TANGO6: variants seen among roughly 807,000 people sequenced by gnomAD.
The protein encoded by TANGO6 is transport and Golgi organization protein 6 homolog.
TANGO6 carries 90 observed loss-of-function variants against 114.2 expected under a neutral mutation model. That is an observed-to-expected ratio of 0.79 (90% confidence interval 0.66 to 0.94). The LOEUF is 0.94. TANGO6 is among the 40% of genes least tolerant of loss of function. The pLI, the probability that TANGO6 is intolerant of heterozygous loss-of-function variation, is 0.00. For missense variants in TANGO6, 1,274 were observed against 1,315.3 expected (o/e 0.97, Z 0.49); for synonymous variants, 477 against 509.8 (o/e 0.94, Z 0.87).
At chr16:69,004,021 T>C (rs1597054486) in intron 15 of TANGO6, among the ~76,000 whole-genome samples, 2 of 152,242 alleles carry the variant, frequency 1.3e-5, no homozygotes, top group Non-Finnish European at 2.9e-5. Flanking sequence ...AAAAAAAATT[T>C]TTTTCAATAG....
intron 7 of TANGO6, among the ~76,000 whole-genome samples, chr16:68,889,070 C>T (rs1427869828): frequency 2.6e-5 from 4 of 152,208 alleles, no homozygotes; most frequent in East Asian, 1.9e-4. Context: ...GTGATCCACC[C>T]GCCTCAGCCT....
rs1962195281 is a variant in TANGO6, at chr16:68,867,393, A to G, written c.994+173A>G. ...GGCCGTTAATGAGCTTCTTTTCCAA[A>G]GAAACTAATTCTCTTGCTCTTTTCC... On this transcript the variant is annotated intron_variant, in intron 4 of 17. Transcript: ENST00000261778. 5.6e-6 allele frequency: 4 copies of G among 711,104 alleles called. No homozygotes were observed. The Admixed American group carries it at 1.2e-4, about 21-fold the overall frequency. 44.0% of individuals were successfully genotyped at this position (711,104 alleles called of 1,614,324 possible).
At chr16:68,929,795 TAAC>T (rs1963217102) in intron 13 of TANGO6, among the ~76,000 whole-genome samples, 1 of 152,230 alleles carries the variant, frequency 6.6e-6, no homozygotes, top group Non-Finnish European at 1.5e-5. Flanking sequence ...ATCTCAATAA[TAAC>T]ATCTCTATCT....
intron 15 of TANGO6, among the ~76,000 whole-genome samples, chr16:68,988,672 AGAGTTT>A (rs748924021): frequency 3.2e-4 from 47 of 147,194 alleles, no homozygotes; most frequent in Non-Finnish European, 5.1e-4. Flanking sequence ...GTGAATAGTT[AGAGTTT>A]AAGTTCTCTC....
intron 5 of TANGO6, among the ~76,000 whole-genome samples, chr16:68,877,186 G>A (rs1415258256): frequency 6.6e-6 from 1 of 152,014 alleles, no homozygotes; most frequent in African/African-American, 2.4e-5. Context: ...TGAAAAATGT[G>A]GGGCTGGGCA....
chr16:68,851,778 A>G (rs1961906728), intron 1 of TANGO6, among the ~76,000 whole-genome samples: 1 of 152,232 alleles, frequency 6.6e-6, no homozygotes, highest in Non-Finnish European at 1.5e-5. Flanking sequence ...TTTAGTTCCT[A>G]CCAACAATGT....
At chr16:68,883,127 A>T (rs987667419) in intron 7 of TANGO6, among the ~76,000 whole-genome samples, 1 of 152,082 alleles carries the variant, frequency 6.6e-6, no homozygotes, top group East Asian at 1.9e-4. Context: ...AACCTAGGAG[A>T]TGGAGGCTGC....
chr16:68,964,396 A>G (rs1272739794), intron 14 of TANGO6, among the ~76,000 whole-genome samples: 1 of 152,008 alleles, frequency 6.6e-6, no homozygotes, highest in East Asian at 1.9e-4. Flanking sequence ...CCCAGAAATA[A>G]TCAATATTAT....
At chr16:68,999,005 C>T (rs1964017310) in intron 15 of TANGO6, among the ~76,000 whole-genome samples, 2 of 151,916 alleles carry the variant, frequency 1.3e-5, no homozygotes, top group East Asian at 4.0e-4. Flanking sequence ...ACCTCAGCCT[C>T]TTGAGTAGCT....
chr16:69,025,305 C>T (rs987106902), intron 16 of TANGO6, among the ~76,000 whole-genome samples: 1 of 152,102 alleles, frequency 6.6e-6, no homozygotes, highest in Non-Finnish European at 1.5e-5. Context: ...AGCAATGAAA[C>T]GGCTCTCAGC....
At chr16:68,862,668 G>C (rs756021830) in intron 2 of TANGO6, among the ~76,000 whole-genome samples, 16 of 152,184 alleles carry the variant, frequency 1.1e-4, no homozygotes, top group Non-Finnish European at 1.9e-4. Context: ...GGAATGAGCT[G>C]AGAGATGCTT....
chr16:68,917,585 G>T (rs1963024185), intron 11 of TANGO6, among the ~76,000 whole-genome samples: 1 of 152,128 alleles, frequency 6.6e-6, no homozygotes, highest in African/African-American at 2.4e-5. Context: ...GGTGAAATCA[G>T]TTCTCTGGAT....
chr16:69,021,722 G>T (rs1959408655), intron 15 of TANGO6, among the ~76,000 whole-genome samples: 1 of 152,114 alleles, frequency 6.6e-6, no homozygotes, highest in African/African-American at 2.4e-5. Context: ...GGATAAGACA[G>T]GGAAAAGTAG....
At chr16:69,045,183 G>A (rs557465395) in intron 17 of TANGO6, among the ~76,000 whole-genome samples, 11 of 148,722 alleles carry the variant, frequency 7.4e-5, no homozygotes, top group South Asian at 2.2e-4. Context: ...AGCTGGGCGC[G>A]GCGACTCACA....
chr16:68,909,598 G>A (rs143662127), intron 11 of TANGO6, 196 bp downstream of exon 11: 7 of 413,038 alleles, frequency 1.7e-5, no homozygotes, highest in Admixed American at 4.5e-5. Context: ...GACTCCACAC[G>A]TTTAACAAGC....
At chr16:68,935,244 A>C (rs1223124255) in intron 14 of TANGO6, among the ~76,000 whole-genome samples, 3 of 152,186 alleles carry the variant, frequency 2.0e-5, no homozygotes, top group Non-Finnish European at 4.4e-5. Flanking sequence ...TTGTGGTTTG[A>C]GTAGCATTCA....
intron 17 of TANGO6, among the ~76,000 whole-genome samples, chr16:69,044,903 C>A (rs1458737297): frequency 1.3e-5 from 2 of 152,262 alleles, no homozygotes; most frequent in Admixed American, 1.3e-4. Context: ...TGCCTATAAT[C>A]CCAGCACTTT....
chr16:68,890,407 G>A (rs949385566), intron 7 of TANGO6, among the ~76,000 whole-genome samples: 11 of 152,202 alleles, frequency 7.2e-5, no homozygotes, highest in African/African-American at 2.7e-4. Flanking sequence ...GACTGAGAGC[G>A]ACTGAAATGT....
intron 14 of TANGO6, among the ~76,000 whole-genome samples, chr16:68,946,828 T>A (rs1189856957): frequency 6.6e-6 from 1 of 152,220 alleles, no homozygotes; most frequent in African/African-American, 2.4e-5. Context: ...GCTTGCACTT[T>A]TGATATCATT....
Sources: gnomAD v4.1 joint callset for allele counts (sites outside exome capture counted in the v4.1 genomes callset) on GRCh38, gnomAD v4.1.1 for gene constraint, MANE v1.5 for transcripts, NCBI Gene and HGNC (gene_info 2026-07-23, HGNC 2026-07-21) for gene names.